The following RIF1 variants were observed in gnomAD, a reference collection of about 807,000 sequenced individuals.
RIF1 encodes telomere-associated protein RIF1.
Under a neutral mutation model 247.1 loss-of-function variants are expected in RIF1, and 45 were observed. That is an observed-to-expected ratio of 0.18 (90% confidence interval 0.14 to 0.23). The LOEUF (loss-of-function observed/expected upper bound fraction) is 0.23. Ranked by LOEUF, RIF1 falls within the 10% of genes least tolerant of loss-of-function variation. The pLI is 1.00. For missense variants in RIF1, 2,967 were observed against 2,862.5 expected (o/e 1.04, Z -0.83); for synonymous variants, 1,087 against 978.8 (o/e 1.11, Z -2.06).
Position 151,480,389 on chromosome 2 carries a change from T to C in RIF1, c.*5318T>C, listed in dbSNP as rs900608894. ...CTGAGAAGTGATGAGTTGAAGAGAA[T>C]GGAAAAGGCAGATTGAGCTGGAATT... On this transcript the variant is annotated 3_prime_UTR_variant, in exon 36 of 36. Transcript: ENST00000444746. 6.6e-6 allele frequency: 1 copy of C among 152,158 alleles called. No homozygotes were observed. The highest frequency in any genetic ancestry group is 2.4e-5 in the African/African-American group (1 of 41,456). The allele number at this position is 152,158 out of a possible 1,614,324, so 9.4% of individuals were successfully genotyped here. A position where few individuals can be genotyped will look rare whatever the true frequency, so the allele number is the denominator to read the frequency against.
chr2:151,449,844 CTTT>C (rs11405455), intron 20 of RIF1, among the ~76,000 whole-genome samples: 2 of 137,136 alleles, frequency 1.5e-5, no homozygotes, highest in Admixed American at 1.5e-4. Flanking sequence ...ACTTTGATGC[CTTT>C]TTTTTTTTTT....
chr2:151,428,446 G>A lies in RIF1; in HGVS notation c.787-338G>A, dbSNP rs534826556. Among the ~76,000 whole-genome samples the A allele has an allele frequency of 3.9e-5, 6 of 151,938 alleles. No homozygotes were observed. In the East Asian group the frequency reaches 1.2e-3, roughly 29 times the overall value. On this transcript the variant is annotated intron_variant, in intron 8 of 35. Transcript: ENST00000444746. The stretch of plus-strand genomic sequence containing the variant: ...TAATTTTTTAATGTATATTTTGTTT[G>A]GTATTGATTTGATAAAGTTTGGGAT...
At position 151,481,434 on chromosome 2, in the gene RIF1, G is replaced by A. The variant is rs1159608619; in HGVS notation, c.*6363G>A. 1 of 152,130 alleles carries A rather than the reference G, an allele frequency of 6.6e-6. No individual in the cohort carries two copies. The highest frequency in any genetic ancestry group is 1.5e-5 in the Non-Finnish European group (1 of 68,028). The allele number at this position is 152,130 out of a possible 1,614,324, so 9.4% of individuals were successfully genotyped here. A position where few individuals can be genotyped will look rare whatever the true frequency, so the allele number is the denominator to read the frequency against. ...GCCATGATGTTAAGGGACCTTGATGGTCTGTGAATTATCAGTTGCTTTCTG... is the reference window on the plus strand; with the variant it reads ...GCCATGATGTTAAGGGACCTTGATGATCTGTGAATTATCAGTTGCTTTCTG... On this transcript the variant is annotated 3_prime_UTR_variant, in exon 36 of 36. Transcript: ENST00000444746.
At position 151,469,759 on chromosome 2, in the gene RIF1, T is replaced by C. The variant is rs750228196; in HGVS notation, c.6990T>C (p.Ile2330=). 6.2e-7 allele frequency: 1 copy of C among 1,608,956 alleles called. No homozygotes were observed. The highest frequency in any genetic ancestry group is 8.5e-7 in the Non-Finnish European group (1 of 1,177,020). ...QLIRAKNIKT[I]GDLSTLTASE... Reference sequence around the variant, plus strand: ...TTAGAGCTAAGAATATAAAAACTATTGGTGATTTGAGTACTCTTACAGCAT... The same window carrying C: ...TTAGAGCTAAGAATATAAAAACTATCGGTGATTTGAGTACTCTTACAGCAT... Residue 2330 remains isoleucine, a synonymous_variant, in exon 34 of 36, where the codon ATT becomes ATC. Transcript: ENST00000444746.
At chr2:151,445,998 T>C (rs1693200095) in intron 19 of RIF1, among the ~76,000 whole-genome samples, 2 of 152,208 alleles carry the variant, frequency 1.3e-5, no homozygotes, top group African/African-American at 4.8e-5. Context: ...GAAAGGTTAT[T>C]ACCCTGTGTT....
intron 12 of RIF1, chr2:151,503,399 C>G: frequency 6.2e-7 from 1 of 1,612,896 alleles, no homozygotes; most frequent in Non-Finnish European, 8.5e-7. Flanking sequence ...TCTGGAGTCA[C>G]AGTGGTTGGA....
intron 24 of RIF1, 99 bp from the exon 25 acceptor site, chr2:151,458,711 AT>A (rs1334771998): frequency 2.0e-6 from 1 of 509,500 alleles, no homozygotes; most frequent in Non-Finnish European, 3.4e-6. Flanking sequence ...ATAAAGATGT[AT>A]TTTGCTGCTC....
At chr2:151,505,008 TC>T (rs1201434913) in intron 12 of RIF1, among the ~76,000 whole-genome samples, 1 of 152,058 alleles carries the variant, frequency 6.6e-6, no homozygotes, top group Non-Finnish European at 1.5e-5. Context: ...CTACCCAGGG[TC>T]TTTTTGGACA....
the RIF1 span, chr2:151,525,381 G>A: frequency 0.6 from 479,336 of 793,190 alleles, 146,868 homozygotes; most frequent in Admixed American, 0.71. Context: ...CCATTTTGGC[G>A]TCAGTCTGGG....
rs190173084 is a variant in RIF1, at chr2:151,453,920, G to C, written c.2345-975G>C. ...TTCCTTTTCTGTATTTTTCTCTACT[G>C]TCTCTAATAGTGAGAAACCTGGTTT... On this transcript the variant is annotated intron_variant, in intron 21 of 35. Transcript: ENST00000444746. Among the ~76,000 whole-genome samples, 21 of 152,152 alleles carry C rather than the reference G, an allele frequency of 1.4e-4. 1 individual carries two copies. The East Asian group carries it at 2.7e-3, about 20-fold the overall frequency.
intron 12 of RIF1, 100 bp downstream of exon 12, chr2:151,437,103 T>G: frequency 7.9e-7 from 1 of 1,263,738 alleles, no homozygotes. Flanking sequence ...CCAAAATATT[T>G]TACAGTTGTG....
intron 8 of RIF1, among the ~76,000 whole-genome samples, chr2:151,424,690 A>G (rs1290823492): frequency 6.6e-6 from 1 of 151,844 alleles, no homozygotes; most frequent in Non-Finnish European, 1.5e-5. Flanking sequence ...TTTTGAGACA[A>G]GGTCTGGCTC....
At chr2:151,512,905 AT>A, downstream of RIF1, 1 of 1,032,200 alleles carries the variant, frequency 9.7e-7, no homozygotes, top group Non-Finnish European at 1.5e-6. Flanking sequence ...GCTTGATTTG[AT>A]TAAGAGGTGA....
the RIF1 span, chr2:151,532,001 T>C: frequency 3.0e-6 from 2 of 659,810 alleles, no homozygotes; most frequent in African/African-American, 3.7e-5. Context: ...TATCTAGCTT[T>C]CTCTTTAATT....
At chr2:151,507,084 T>C in intron 13 of RIF1, 2 of 966,542 alleles carry the variant, frequency 2.1e-6, no homozygotes, top group Non-Finnish European at 3.2e-6. Flanking sequence ...TCCTATATTA[T>C]GTGAAGAAAA....
the RIF1 span, among the ~76,000 whole-genome samples, chr2:151,531,308 C>CTTTTTTTTTTT: frequency 2.4e-5 from 2 of 84,010 alleles, no homozygotes; most frequent in Non-Finnish European, 2.2e-5. Context: ...TTTTTTCTTT[C>CTTTTTTTTTTT]TTTTTTTTTT....
chr2:151,518,831 T>C, the RIF1 span: 2 of 626,820 alleles, frequency 3.2e-6, no homozygotes, highest in Non-Finnish European at 5.7e-6. Context: ...TTTGGAAGAA[T>C]ACACTCAAAT....
At chr2:151,415,729 T>C (rs1383796378) in intron 4 of RIF1, among the ~76,000 whole-genome samples, 1 of 151,402 alleles carries the variant, frequency 6.6e-6, no homozygotes, top group Non-Finnish European at 1.5e-5. Flanking sequence ...CAAAAAAAAT[T>C]AGCTGGGTGT....
Position 151,410,033 on chromosome 2 carries a change from G to C in RIF1, c.-11G>C, listed in dbSNP as rs528529844. 64 of 702,934 alleles carry C rather than the reference G, an allele frequency of 9.1e-5. No homozygotes were observed. Among genetic ancestry groups the C allele is most frequent in the Middle Eastern group, 2.3e-4 (1 of 4,370 alleles). The allele number at this position is 702,934 out of a possible 1,614,324, so 43.5% of individuals were successfully genotyped here. On this transcript the variant is annotated splice_region_variant and 5_prime_UTR_variant, in exon 1 of 36. Coordinates refer to ENST00000444746, the MANE Select transcript of RIF1 (RefSeq NM_018151.5). The stretch of plus-strand genomic sequence containing the variant: ...AGAGAACCCTGTCCTGATCTTCCTA[G>C]GTGGGATAAATATCGGGGTGACAGT...
Sources: gnomAD v4.1 joint callset for allele counts (sites outside exome capture counted in the v4.1 genomes callset) on GRCh38, gnomAD v4.1.1 for gene constraint, MANE v1.5 for transcripts, NCBI Gene and HGNC (gene_info 2026-07-23, HGNC 2026-07-21) for gene names.